The following NTM variants were observed in gnomAD, a reference collection of about 807,000 sequenced individuals.
NTM encodes neurotrimin, also known as IgLON family member 2.
Under a neutral mutation model 42.1 loss-of-function variants are expected in NTM, and 13 were observed. The observed-to-expected ratio is 0.31, with a 90% CI of 0.20 to 0.49. NTM has a LOEUF of 0.49. NTM is among the 20% of genes least tolerant of loss of function. The probability of loss-of-function intolerance (pLI) is 0.99; values close to 1 mark genes in which losing one functional copy is unlikely to be tolerated. For synonymous variants in NTM, 187 were observed against 179.2 expected (o/e 1.04, Z -0.35); for missense variants, 373 against 452.8 (o/e 0.82, Z 1.60).
chr11:132,232,391 G>A (rs1468720713), intron 4 of NTM, among the ~76,000 whole-genome samples: 1 of 152,232 alleles, frequency 6.6e-6, no homozygotes, highest in Non-Finnish European at 1.5e-5. Context: ...CGGGCACACT[G>A]CTGGGACAGG....
chr11:132,201,006 C>G (rs911677694), intron 3 of NTM, among the ~76,000 whole-genome samples: 3 of 152,150 alleles, frequency 2.0e-5, no homozygotes, highest in South Asian at 2.1e-4. Context: ...TGTTTTTTCT[C>G]TCTGTGAAGT....
Position 131,789,440 on chromosome 11 carries a change from AAG to A in NTM, c.83-122122_83-122121del, listed in dbSNP as rs1212343923. ...GAAAAAAAGAAGAAGGAAGAAGAAG[AAG>A]AAGAAGAAGAAGAAGAAGAAGAAGA... On this transcript the variant is annotated intron_variant, in intron 1 of 8. Transcript: ENST00000683400. Among the ~76,000 whole-genome samples the A allele has an allele frequency of 1.2e-3, 11 of 9,564 alleles. 3 individuals are homozygous for A. Among genetic ancestry groups the A allele is most frequent in the African/African-American group, 4.6e-3 (11 of 2,408 alleles). 6.3% of individuals were successfully genotyped at this position (9,564 alleles called of 152,430 possible).
At chr11:131,478,115 G>GGC in intron 1 of NTM, among the ~76,000 whole-genome samples, 1 of 152,036 alleles carries the variant, frequency 6.6e-6, no homozygotes, top group South Asian at 2.1e-4. Context: ...AATCTTTCAG[G>GGC]GCAAGTATTT....
At chr11:131,419,541 A>T (rs1591614612) in intron 1 of NTM, among the ~76,000 whole-genome samples, 1 of 152,040 alleles carries the variant, frequency 6.6e-6, no homozygotes, top group Non-Finnish European at 1.5e-5. Context: ...GAATGAGGGG[A>T]GGCAGTGAGG....
intron 1 of NTM, among the ~76,000 whole-genome samples, chr11:131,695,737 G>T (rs1044561497): frequency 2.6e-5 from 4 of 152,176 alleles, no homozygotes; most frequent in African/African-American, 9.6e-5. Context: ...AGCATTTATT[G>T]TAACAGAGGT....
chr11:132,317,001 C>T (rs2095446118), intron 7 of NTM, among the ~76,000 whole-genome samples: 1 of 152,124 alleles, frequency 6.6e-6, no homozygotes, highest in Non-Finnish European at 1.5e-5. Context: ...ATCATTTTGC[C>T]ACCAACTTGT....
At chr11:131,432,262 G>A (rs989031032) in intron 1 of NTM, among the ~76,000 whole-genome samples, 2 of 152,188 alleles carry the variant, frequency 1.3e-5, no homozygotes, top group South Asian at 2.1e-4. Flanking sequence ...CCGCCAGTCC[G>A]TGAGGAAATG....
chr11:131,542,310 C>T, intron 1 of NTM, among the ~76,000 whole-genome samples: 1 of 152,194 alleles, frequency 6.6e-6, no homozygotes, highest in South Asian at 2.1e-4. Context: ...CCTTCCAACA[C>T]ACCATGTAGC....
intron 1 of NTM, among the ~76,000 whole-genome samples, chr11:131,589,172 TGTGTGTGTG>T (rs2059147417): frequency 1.4e-5 from 2 of 146,652 alleles, no homozygotes; most frequent in East Asian, 1.9e-4. Flanking sequence ...GAAAAATGTG[TGTGTGTGTG>T]TGTGTGTGTG....
intron 1 of NTM, among the ~76,000 whole-genome samples, chr11:131,420,964 C>T (rs1421588266): frequency 6.6e-6 from 1 of 151,990 alleles, no homozygotes; most frequent in African/African-American, 2.4e-5. Context: ...CTAGCCTTGG[C>T]CTTTCTCCCT....
At chr11:131,500,087 C>A (rs775166452) in intron 1 of NTM, among the ~76,000 whole-genome samples, 1 of 152,172 alleles carries the variant, frequency 6.6e-6, no homozygotes, top group Non-Finnish European at 1.5e-5. Context: ...TGGACCTGGC[C>A]CTGTGGGCCT....
intron 1 of NTM, among the ~76,000 whole-genome samples, chr11:131,528,556 T>C (rs1170369053): frequency 6.6e-6 from 1 of 152,202 alleles, no homozygotes; most frequent in Non-Finnish European, 1.5e-5. Context: ...GCTATCCCGG[T>C]GCCCATGATG....
chr11:132,255,755 C>G (rs2092418019), intron 4 of NTM, among the ~76,000 whole-genome samples: 1 of 152,156 alleles, frequency 6.6e-6, no homozygotes, highest in South Asian at 2.1e-4. Flanking sequence ...GTCCTATTTG[C>G]TCTGCTTTCC....
intron 2 of NTM, among the ~76,000 whole-genome samples, chr11:132,069,059 C>T (rs2056959088): frequency 6.6e-6 from 1 of 152,116 alleles, no homozygotes; most frequent in Non-Finnish European, 1.5e-5. Flanking sequence ...CTGACCATCA[C>T]AGGTTAGTAA....
intron 2 of NTM, among the ~76,000 whole-genome samples, chr11:132,061,381 TA>T (rs1380299621): frequency 6.6e-6 from 1 of 152,236 alleles, no homozygotes; most frequent in East Asian, 1.9e-4. Context: ...ATTGCAATTA[TA>T]AAGGTCCCTC....
At chr11:132,043,885 G>A (rs955024642) in intron 2 of NTM, among the ~76,000 whole-genome samples, 10 of 152,150 alleles carry the variant, frequency 6.6e-5, no homozygotes, top group Admixed American at 4.6e-4. Flanking sequence ...CATTCTCCTG[G>A]TTAAAGAAGG....
chr11:131,592,587 C>G (rs945483635), intron 1 of NTM, among the ~76,000 whole-genome samples: 2 of 150,326 alleles, frequency 1.3e-5, no homozygotes, highest in African/African-American at 4.9e-5. Context: ...CAAACAACCA[C>G]GACCTGAAAT....
At chr11:132,331,887 C>G (rs903839217) in intron 8 of NTM, among the ~76,000 whole-genome samples, 2 of 152,044 alleles carry the variant, frequency 1.3e-5, no homozygotes, top group African/African-American at 4.8e-5. Context: ...CCCCTGTGTG[C>G]TCACATGTGG....
chr11:132,328,561 A>G (rs2095734449), intron 7 of NTM, among the ~76,000 whole-genome samples: 1 of 152,122 alleles, frequency 6.6e-6, no homozygotes, highest in African/African-American at 2.4e-5. Flanking sequence ...CTTCTTTCTG[A>G]TAGTCTCAAC....
Sources: gnomAD v4.1 joint callset for allele counts (sites outside exome capture counted in the v4.1 genomes callset) on GRCh38, gnomAD v4.1.1 for gene constraint, MANE v1.5 for transcripts, NCBI Gene and HGNC (gene_info 2026-07-23, HGNC 2026-07-21) for gene names.